Variants in DMD observed in about 807,000 individuals in gnomAD.
The protein encoded by DMD is dystrophin.
A neutral mutation model predicts 330.1 loss-of-function variants in DMD; 63 were observed. The observed-to-expected ratio is 0.19, with a 90% CI of 0.16 to 0.24. The LOEUF (loss-of-function observed/expected upper bound fraction) is 0.24, where lower values mean the gene tolerates loss of function less well. Ranked by LOEUF, DMD falls within the 10% of genes least tolerant of loss-of-function variation. DMD has a pLI of 1.00. For missense variants in DMD, 3,344 were observed against 2,684.1 expected (o/e 1.25, Z -5.43); for synonymous variants, 1,223 against 959.8 (o/e 1.27, Z -5.07).
intron 44 of DMD, among the ~76,000 whole-genome samples, chrX:32,048,278 T>C (rs1416781911): frequency 9.5e-6 from 1 of 105,452 alleles, no homozygotes; most frequent in East Asian, 3.0e-4. Context: ...GCAAACTAAA[T>C]GCATGAACAA....
intron 60 of DMD, among the ~76,000 whole-genome samples, chrX:31,433,689 C>G (rs1457859735): frequency 9.0e-6 from 1 of 110,824 alleles, no homozygotes; most frequent in East Asian, 2.8e-4. Context: ...GAACTCCTAA[C>G]CTCAGGTGAT....
intron 37 of DMD, among the ~76,000 whole-genome samples, chrX:32,350,614 G>A (rs1048575888): frequency 9.0e-6 from 1 of 111,278 alleles, no homozygotes; most frequent in East Asian, 2.8e-4. Flanking sequence ...AAGGCAATAA[G>A]CTTTGAAAAG....
rs143630515 is a variant in DMD, at chrX:32,882,642, G to A, written c.94-32822C>T. 4.0e-4 allele frequency among the ~76,000 whole-genome samples: 45 copies of A among 112,339 alleles called. No homozygotes were observed. In the East Asian group the frequency reaches 0.011, roughly 29 times the overall value. ...ATCTTCTGGACAGCCGTATCCATAT[G>A]TGCATTCTTTCTGTAGATGGAACTC... On this transcript the variant is annotated intron_variant, in intron 2 of 78. Coordinates refer to ENST00000357033, the MANE Select transcript of DMD (RefSeq NM_004006.3).
chrX:32,595,534 T>TA (rs1303750731), intron 13 of DMD, among the ~76,000 whole-genome samples: 3 of 111,861 alleles, frequency 2.7e-5, no homozygotes, highest in Non-Finnish European at 5.6e-5. Flanking sequence ...AATTTTCTGG[T>TA]AAAGTATTAG....
chrX:31,905,041 G>T (rs2094462769), intron 47 of DMD, among the ~76,000 whole-genome samples: 1 of 111,341 alleles, frequency 9.0e-6, no homozygotes, highest in South Asian at 3.7e-4. Context: ...AAAAATAGTG[G>T]CGAATTTTAA....
intron 4 of DMD, among the ~76,000 whole-genome samples, chrX:32,839,730 A>AT (rs61327287): frequency 2.4e-3 from 249 of 103,875 alleles, no homozygotes; most frequent in East Asian, 4.0e-3. Context: ...AAGATAATGC[A>AT]TTTTTTTTTT....
chrX:32,744,902 G>A (rs765022559), intron 7 of DMD, among the ~76,000 whole-genome samples: 2 of 111,868 alleles, frequency 1.8e-5, no homozygotes, highest in African/African-American at 3.2e-5. Flanking sequence ...GCAGTGATGC[G>A]GGGTGGGAGA....
intron 50 of DMD, among the ~76,000 whole-genome samples, chrX:31,800,226 T>A (rs766009770): frequency 8.9e-6 from 1 of 112,741 alleles, no homozygotes; most frequent in African/African-American, 3.2e-5. Context: ...AGAGAGGTTT[T>A]CCATGAGGGC....
In DMD at chrX:31,237,321, G is replaced by A. The variant is rs182912325; in HGVS notation, c.9287-14200C>T. On this transcript the variant is annotated intron_variant, in intron 63 of 78. Transcript: ENST00000357033. ...CATCTAGGATCATAGTAAACTATGC[G>A]TATCTCTGCTTTTTGTATACTCTAG... Among the ~76,000 whole-genome samples the A allele has an allele frequency of 1.9e-4, 21 of 112,180 alleles. No individual in the cohort carries two copies. The East Asian group carries it at 1.9e-3, about 10-fold the overall frequency.
chrX:32,088,494 G>A (rs1316924255), intron 44 of DMD, among the ~76,000 whole-genome samples: 7 of 94,578 alleles, frequency 7.4e-5, no homozygotes, highest in East Asian at 3.5e-4. Flanking sequence ...TCTATGAAGC[G>A]ATGACTAAAA....
intron 9 of DMD, among the ~76,000 whole-genome samples, chrX:32,666,020 A>G (rs140090536): frequency 1.2e-3 from 135 of 111,226 alleles, no homozygotes; most frequent in African/African-American, 4.0e-3. Context: ...GAACTCAAGA[A>G]CTGTTGAAAA....
intron 13 of DMD, among the ~76,000 whole-genome samples, chrX:32,588,083 C>T (rs1160968493): frequency 8.9e-6 from 1 of 111,889 alleles, no homozygotes; most frequent in Non-Finnish European, 1.9e-5. Flanking sequence ...AAAAATCTTT[C>T]TTGGAATTAT....
At chrX:33,235,402 T>C (rs190668549) in intron 1 of DMD, among the ~76,000 whole-genome samples, 2 of 112,007 alleles carry the variant, frequency 1.8e-5, no homozygotes, top group East Asian at 5.6e-4. Flanking sequence ...CAGAATTAAC[T>C]ACTGTATTTA....
intron 43 of DMD, among the ~76,000 whole-genome samples, chrX:32,235,634 A>G: frequency 8.9e-6 from 1 of 111,944 alleles, no homozygotes; most frequent in Middle Eastern, 4.6e-3. Context: ...TTAGAGGCCA[A>G]AAGGGGGTGT....
chrX:31,727,870 C>G (rs1462928271), intron 52 of DMD, among the ~76,000 whole-genome samples: 1 of 112,335 alleles, frequency 8.9e-6, no homozygotes, highest in Non-Finnish European at 1.9e-5. Context: ...TGAATCAAAA[C>G]ATACATAATT....
At chrX:32,863,537 TACACACACACACAC>T (rs199774174) in intron 2 of DMD, among the ~76,000 whole-genome samples, 25 of 78,243 alleles carry the variant, frequency 3.2e-4, no homozygotes, top group Middle Eastern at 6.4e-3. Flanking sequence ...ATTGTGTTTA[TACACACACACACAC>T]ACACACACAC....
chrX:32,695,946 G>A lies in DMD; in HGVS notation c.960+1924C>T, dbSNP rs2063623700. ...TGAGAAAAATGTTTCATCAGTGGTA[G>A]AAAGTTAGGAGAGCTGAATAAAAGC... On this transcript the variant is annotated intron_variant, in intron 9 of 78. Coordinates refer to ENST00000357033, the MANE Select transcript of DMD (RefSeq NM_004006.3). 2.7e-5 allele frequency among the ~76,000 whole-genome samples: 3 copies of A among 111,844 alleles called. No homozygotes were observed. The South Asian group carries it at 1.1e-3, about 42-fold the overall frequency.
chrX:32,695,078 A>G (rs2063549940), intron 9 of DMD, among the ~76,000 whole-genome samples: 1 of 112,645 alleles, frequency 8.9e-6, no homozygotes, highest in African/African-American at 3.2e-5. Flanking sequence ...CTTCAATAAC[A>G]GTACCTGGCA....
chrX:31,261,710 T>G (rs1261515262), intron 62 of DMD: 1 of 112,376 alleles, frequency 8.9e-6, no homozygotes, highest in Non-Finnish European at 1.9e-5. Flanking sequence ...TCTTGAAGTG[T>G]GGTTGCTGGC....
Sources: allele counts gnomAD v4.1 joint callset (sites outside exome capture counted in the v4.1 genomes callset), GRCh38; gene constraint gnomAD v4.1.1; transcripts MANE v1.5; gene names NCBI Gene and HGNC (gene_info 2026-07-23, HGNC 2026-07-21).